Variants in ACER3 observed in about 807,000 individuals in gnomAD.
The protein encoded by ACER3 is alkaline ceramidase 3.
Under a neutral mutation model 48.9 loss-of-function variants are expected in ACER3, and 16 were observed. That is an observed-to-expected ratio of 0.33 (90% CI 0.22 to 0.50). ACER3 has a LOEUF of 0.50. Ranked by LOEUF, ACER3 falls within the 20% of genes least tolerant of loss-of-function variation. The probability of loss-of-function intolerance (pLI) is 0.98; values close to 1 mark genes in which losing one functional copy is unlikely to be tolerated. For missense variants in ACER3, 227 were observed against 326.0 expected, an observed-to-expected ratio of 0.70 and a Z score of 2.34; for synonymous variants, 109 against 107.8, an observed-to-expected ratio of 1.01 and a Z score of -0.07.
At chr11:76,992,650 T>TAAA (rs1331298248) in intron 6 of ACER3, among the ~76,000 whole-genome samples, 2 of 152,092 alleles carry the variant, frequency 1.3e-5, no homozygotes, top group East Asian at 3.9e-4. Context: ...AATCTAAAGG[T>TAAA]AAAAGACATT....
At position 77,021,044 on chromosome 11, in the gene ACER3, G is replaced by A. The variant is rs1023130537; in HGVS notation, c.*717G>A. On this transcript the variant is annotated 3_prime_UTR_variant, in exon 11 of 11. Coordinates refer to ENST00000532485, the MANE Select transcript of ACER3 (RefSeq NM_018367.7). The stretch of plus-strand genomic sequence containing the variant: ...TATAACCTTTCTGAAGCTCCATGAG[G>A]ACATGTATAGAATGCTGCACCTTCA... 1 of 152,276 alleles carries A rather than the reference G, an allele frequency of 6.6e-6. No homozygotes were observed. Among genetic ancestry groups the A allele is most frequent in the Non-Finnish European group, 1.5e-5 (1 of 68,104 alleles). 9.4% of individuals were successfully genotyped at this position (152,276 alleles called of 1,614,324 possible).
At chr11:76,970,271 G>A (rs1317933591) in intron 3 of ACER3, among the ~76,000 whole-genome samples, 1 of 152,176 alleles carries the variant, frequency 6.6e-6, no homozygotes, top group Admixed American at 6.6e-5. Flanking sequence ...CAGTTGGAGA[G>A]CTTAGAACTT....
intron 9 of ACER3, among the ~76,000 whole-genome samples, chr11:77,017,436 C>G (rs1262499979): frequency 6.6e-6 from 1 of 152,154 alleles, no homozygotes; most frequent in Non-Finnish European, 1.5e-5. Context: ...GAACAGACCT[C>G]TAACTAGGTC....
rs1555020862 is a variant in ACER3, at chr11:77,005,977, A to ATG, written c.497+7157_497+7158insGT. Among the ~76,000 whole-genome samples the ATG allele has an allele frequency of 2.1e-4, 7 of 33,236 alleles. No homozygotes were observed. The East Asian group carries it at 2.4e-3, about 11-fold the overall frequency. The allele number at this position is 33,236 out of a possible 152,430, so 21.8% of individuals were successfully genotyped here. A position where few individuals can be genotyped will look rare whatever the true frequency, so the allele number is the denominator to read the frequency against. On this transcript the variant is annotated intron_variant, in intron 7 of 10. Coordinates refer to ENST00000532485, the MANE Select transcript of ACER3 (RefSeq NM_018367.7). ...ATGTATATTATATATATATACATAT[A>ATG]TATATATATATATATTTTTTTTTTT...
intron 1 of ACER3, among the ~76,000 whole-genome samples, chr11:76,906,154 C>G (rs565629080): frequency 6.6e-6 from 1 of 152,282 alleles, no homozygotes; most frequent in Non-Finnish European, 1.5e-5. Flanking sequence ...ATAATATTCC[C>G]TCCCTATAAC....
At chr11:76,865,807 C>T (rs1945069269) in intron 1 of ACER3, among the ~76,000 whole-genome samples, 1 of 147,958 alleles carries the variant, frequency 6.8e-6, no homozygotes, top group African/African-American at 2.5e-5. Flanking sequence ...CCTTGCCCAG[C>T]ATCTTTTTTT....
chr11:76,931,484 A>T (rs1454657261), intron 2 of ACER3, among the ~76,000 whole-genome samples: 4 of 152,020 alleles, frequency 2.6e-5, no homozygotes, highest in Admixed American at 6.6e-5. Context: ...TAATATTGTT[A>T]TGTGTGAATT....
intron 2 of ACER3, among the ~76,000 whole-genome samples, chr11:76,939,700 CT>C (rs1483565158): frequency 6.6e-6 from 1 of 152,094 alleles, no homozygotes; most frequent in African/African-American, 2.4e-5. Context: ...GCCAAAAGTG[CT>C]GAATGAAATT....
At chr11:76,879,417 G>A (rs890609071) in intron 1 of ACER3, among the ~76,000 whole-genome samples, 3 of 152,080 alleles carry the variant, frequency 2.0e-5, no homozygotes, top group Admixed American at 1.3e-4. Flanking sequence ...CAATCTTTAT[G>A]CATTTTATTT....
chr11:76,929,808 A>G (rs2134833270), intron 2 of ACER3, among the ~76,000 whole-genome samples: 1 of 152,318 alleles, frequency 6.6e-6, no homozygotes, highest in Non-Finnish European at 1.5e-5. Flanking sequence ...CTTGCATCCC[A>G]GGGATGAAGC....
Position 76,866,692 on chromosome 11 carries a change from G to A in ACER3, c.103+5613G>A, listed in dbSNP as rs963713198. Among the ~76,000 whole-genome samples the A allele has an allele frequency of 4.6e-5, 7 of 152,280 alleles. No individual in the cohort carries two copies. In the South Asian group the frequency reaches 6.2e-4, roughly 14 times the overall value. On this transcript the variant is annotated intron_variant, in intron 1 of 10. Transcript: ENST00000532485. Reference sequence around the variant, plus strand: ...CCTCAGAACATTCCTATCAAGGAACGTTAGATGTTGTTACCCCATTGTAAA... The same window carrying A: ...CCTCAGAACATTCCTATCAAGGAACATTAGATGTTGTTACCCCATTGTAAA...
At chr11:77,011,300 A>G (rs1472667385) in intron 7 of ACER3, 1 of 985,186 alleles carries the variant, frequency 1.0e-6, no homozygotes, top group Admixed American at 6.1e-5. Flanking sequence ...TGCTACCTGG[A>G]TAACCAAAGA....
chr11:76,913,289 T>C (rs889659355), intron 1 of ACER3, among the ~76,000 whole-genome samples: 17 of 152,170 alleles, frequency 1.1e-4, no homozygotes, highest in Non-Finnish European at 2.1e-4. Flanking sequence ...TGGGGTTTTC[T>C]AGATATACAA....
Position 76,917,609 on chromosome 11 carries a change from C to T in ACER3, c.104-8948C>T, listed in dbSNP as rs548000693. 9.7e-4 allele frequency among the ~76,000 whole-genome samples: 148 copies of T among 152,106 alleles called. 1 individual carries two copies. Among genetic ancestry groups the T allele is most frequent in the African/African-American group, 3.5e-3 (144 of 41,520 alleles). ...CAGTGGCTCATGCCTGTAATCTAAGCACTTTGGGAGGCCAAGGTGGGAGGA... is the reference window on the plus strand; with the variant it reads ...CAGTGGCTCATGCCTGTAATCTAAGTACTTTGGGAGGCCAAGGTGGGAGGA... On this transcript the variant is annotated intron_variant, in intron 1 of 10. Transcript: ENST00000532485.
chr11:76,919,636 C>T (rs1252472937), intron 1 of ACER3, among the ~76,000 whole-genome samples: 1 of 152,024 alleles, frequency 6.6e-6, no homozygotes, highest in Non-Finnish European at 1.5e-5. Context: ...CTTTTATTTC[C>T]AGAACAGAAA....
chr11:76,971,425 A>G (rs1473983171), intron 3 of ACER3, among the ~76,000 whole-genome samples: 1 of 152,044 alleles, frequency 6.6e-6, no homozygotes, highest in Non-Finnish European at 1.5e-5. Flanking sequence ...CCACAGTCCC[A>G]GCTACTCGGG....
chr11:77,020,425 A>G lies in ACER3; in HGVS notation c.*98A>G. ...GATCTACAAGTTCAAATATGTCATG[A>G]CCATCACAGCAGAGGAGTGACTTTC... On this transcript the variant is annotated 3_prime_UTR_variant, in exon 11 of 11. Transcript: ENST00000532485. 1 of 1,377,648 alleles carries G rather than the reference A, an allele frequency of 7.3e-7. No individual in the cohort carries two copies. The highest frequency in any genetic ancestry group is 1.0e-6 in the Non-Finnish European group (1 of 989,818). The allele number at this position is 1,377,648 out of a possible 1,614,324, so 85.3% of individuals were successfully genotyped here. A position where few individuals can be genotyped will look rare whatever the true frequency, so the allele number is the denominator to read the frequency against.
intron 3 of ACER3, among the ~76,000 whole-genome samples, chr11:76,961,580 G>T (rs946046233): frequency 6.6e-6 from 1 of 150,578 alleles, no homozygotes; most frequent in East Asian, 1.9e-4. Context: ...TATCAGCCTA[G>T]ATCATCTTTT....
rs553853223 is a variant in ACER3, at chr11:76,950,554, T to C, written c.215-8425T>C. ...ATGGCTCACTGCAGCCTCAATCTCC[T>C]AGGTTCAAGTGATCCTGCCACCTCA... On this transcript the variant is annotated intron_variant, in intron 2 of 10. Coordinates refer to ENST00000532485, the MANE Select transcript of ACER3 (RefSeq NM_018367.7). Among the ~76,000 whole-genome samples the C allele has an allele frequency of 1.6e-4, 24 of 151,244 alleles. No homozygotes were observed. The South Asian group carries it at 5.0e-3, about 32-fold the overall frequency.
Sources: allele counts gnomAD v4.1 joint callset (sites outside exome capture counted in the v4.1 genomes callset), GRCh38; gene constraint gnomAD v4.1.1; transcripts MANE v1.5; gene names NCBI Gene and HGNC (gene_info 2026-07-23, HGNC 2026-07-21).